Variants in SPOCK1 observed in about 807,000 individuals in gnomAD.
SPOCK1 encodes the protein testican-1.
SPOCK1 carries 23 observed loss-of-function variants against 55.3 expected under a neutral mutation model. The observed-to-expected ratio is 0.42, with a 90% CI of 0.30 to 0.59. The LOEUF (loss-of-function observed/expected upper bound fraction) is 0.59, where lower values mean the gene tolerates loss of function less well. Among genes scored for constraint, SPOCK1 ranks in the 20% least tolerant of loss-of-function variants. SPOCK1 has a pLI of 0.22. For synonymous variants in SPOCK1, 226 were observed against 221.0 expected, an observed-to-expected ratio of 1.02 and a Z score of -0.20; for missense variants, 499 against 552.5, an observed-to-expected ratio of 0.90 and a Z score of 0.97.
chr5:137,333,606 A>G (rs968383577), intron 2 of SPOCK1, among the ~76,000 whole-genome samples: 1 of 152,202 alleles, frequency 6.6e-6, no homozygotes, highest in Non-Finnish European at 1.5e-5. Context: ...CACAAGTGAG[A>G]AACTCTTATC....
intron 3 of SPOCK1, among the ~76,000 whole-genome samples, chr5:137,257,233 CTT>C (rs1251190539): frequency 6.6e-6 from 1 of 152,196 alleles, no homozygotes; most frequent in Non-Finnish European, 1.5e-5. Context: ...CTTCATATCT[CTT>C]AACAAAAGTA....
At chr5:137,184,414 C>T (rs1330890560) in intron 3 of SPOCK1, among the ~76,000 whole-genome samples, 2 of 152,222 alleles carry the variant, frequency 1.3e-5, no homozygotes, top group African/African-American at 4.8e-5. Context: ...ATTGTTGGGT[C>T]TGTCCTCGCC....
intron 2 of SPOCK1, among the ~76,000 whole-genome samples, chr5:137,343,371 CCCA>C (rs1258153312): frequency 3.3e-5 from 5 of 152,220 alleles, no homozygotes; most frequent in African/African-American, 9.7e-5. Flanking sequence ...AGCTCTTCTC[CCCA>C]CAAGGTCCAT....
intron 2 of SPOCK1, among the ~76,000 whole-genome samples, chr5:137,440,529 C>T (rs1304294609): frequency 6.6e-6 from 1 of 152,202 alleles, no homozygotes; most frequent in Non-Finnish European, 1.5e-5. Flanking sequence ...CTGCCACTTG[C>T]TGTTCACGAT....
chr5:137,438,674 G>A (rs1580927573), intron 2 of SPOCK1, among the ~76,000 whole-genome samples: 1 of 141,962 alleles, frequency 7.0e-6, no homozygotes, highest in East Asian at 2.1e-4. Context: ...ACACACAGAA[G>A]CCACCAAGCT....
intron 6 of SPOCK1, among the ~76,000 whole-genome samples, chr5:137,001,833 A>T (rs1212582999): frequency 6.6e-6 from 1 of 152,202 alleles, no homozygotes; most frequent in Non-Finnish European, 1.5e-5. Flanking sequence ...TGCCATAAGC[A>T]GTTTTGTAAT....
At position 137,435,205 on chromosome 5, in the gene SPOCK1, T is replaced by A. The variant is rs575289760; in HGVS notation, c.186+63168A>T. 2.2e-4 allele frequency among the ~76,000 whole-genome samples: 33 copies of A among 152,358 alleles called. 1 individual carries two copies. The East Asian group carries it at 6.2e-3, about 28-fold the overall frequency. ...CTTGTTCCCAATTTTTAAACTTTCA[T>A]CAATAAACTGACTTACATTCACATA... is the stretch of plus-strand genomic sequence containing the variant. On this transcript the variant is annotated intron_variant, in intron 2 of 10. Transcript: ENST00000394945.
chr5:137,476,859 A>G (rs1009312005), intron 2 of SPOCK1, among the ~76,000 whole-genome samples: 2 of 152,080 alleles, frequency 1.3e-5, no homozygotes. Flanking sequence ...TGGGAGGTGG[A>G]GGTTGCTGTG....
intron 2 of SPOCK1, among the ~76,000 whole-genome samples, chr5:137,339,545 A>G (rs868831165): frequency 3.7e-4 from 56 of 152,320 alleles, no homozygotes; most frequent in African/African-American, 1.1e-3. Flanking sequence ...TTCCAATGGC[A>G]TTTATGAGCC....
chr5:137,122,041 T>C lies in SPOCK1; in HGVS notation c.348-9480A>G, dbSNP rs185414628. Among the ~76,000 whole-genome samples, 194 of 151,744 alleles carry C rather than the reference T, an allele frequency of 1.3e-3. 1 individual carries two copies. Among genetic ancestry groups the C allele is most frequent in the African/African-American group, 4.2e-3 (172 of 41,360 alleles). ...TCCTCCATGTTTCCTGACCAGATCA[T>C]GAAGACTAATAGGATGACGTGACCA... On this transcript the variant is annotated intron_variant, in intron 4 of 10. Transcript: ENST00000394945.
At chr5:136,983,515 A>G (rs942319916) in intron 9 of SPOCK1, among the ~76,000 whole-genome samples, 4 of 152,106 alleles carry the variant, frequency 2.6e-5, no homozygotes, top group African/African-American at 9.7e-5. Context: ...GAAAAGAAGG[A>G]AAATGTAGAT....
At chr5:137,347,766 T>C (rs1021738074) in intron 2 of SPOCK1, among the ~76,000 whole-genome samples, 12 of 151,642 alleles carry the variant, frequency 7.9e-5, no homozygotes, top group African/African-American at 2.9e-4. Flanking sequence ...AAAAAACCAG[T>C]CTCTTGCTTC....
chr5:137,336,421 G>A (rs1750280951), intron 2 of SPOCK1, among the ~76,000 whole-genome samples: 2 of 152,158 alleles, frequency 1.3e-5, no homozygotes, highest in Admixed American at 1.3e-4. Flanking sequence ...TCAGGAATGG[G>A]AATTTACAGT....
At chr5:137,404,467 T>C (rs942462155) in intron 2 of SPOCK1, among the ~76,000 whole-genome samples, 2 of 148,478 alleles carry the variant, frequency 1.3e-5, no homozygotes, top group Non-Finnish European at 3.0e-5. Flanking sequence ...TGGAGTGCAA[T>C]GGCGCGATCT....
At chr5:137,497,588 C>A (rs1373694624) in intron 2 of SPOCK1, among the ~76,000 whole-genome samples, 1 of 152,176 alleles carries the variant, frequency 6.6e-6, no homozygotes, top group Admixed American at 6.5e-5. Context: ...GCCTCTTGCC[C>A]CACATCCCTG....
chr5:137,017,944 C>A (rs1751483961), intron 6 of SPOCK1, among the ~76,000 whole-genome samples: 2 of 152,220 alleles, frequency 1.3e-5, no homozygotes, highest in Admixed American at 6.5e-5. Context: ...CCAGAAAATT[C>A]TCCAAATTAC....
At chr5:137,379,372 G>A (rs530523711) in intron 2 of SPOCK1, among the ~76,000 whole-genome samples, 14 of 152,220 alleles carry the variant, frequency 9.2e-5, no homozygotes, top group South Asian at 2.1e-4. Flanking sequence ...TCAAACACGA[G>A]AGATCAAACA....
At position 137,316,713 on chromosome 5, in the gene SPOCK1, G is replaced by T. The variant is rs569000504; in HGVS notation, c.187-49658C>A. Among the ~76,000 whole-genome samples, 6 of 152,300 alleles carry T rather than the reference G, an allele frequency of 3.9e-5. No individual in the cohort carries two copies. The South Asian group carries it at 1.0e-3, about 26-fold the overall frequency. Reference sequence around the variant, plus strand: ...TTTTTCCTTGCAGTTTTCATCTCTAGCTCCTCTGCCCTCTGAATATTTCAT... The same window carrying T: ...TTTTTCCTTGCAGTTTTCATCTCTATCTCCTCTGCCCTCTGAATATTTCAT... On this transcript the variant is annotated intron_variant, in intron 2 of 10. Coordinates refer to ENST00000394945, the MANE Select transcript of SPOCK1 (RefSeq NM_004598.4).
chr5:137,106,782 TC>T (rs1176786266), intron 5 of SPOCK1, among the ~76,000 whole-genome samples: 1 of 152,120 alleles, frequency 6.6e-6, no homozygotes, highest in Non-Finnish European at 1.5e-5. Context: ...CCAATACTCT[TC>T]AGGCAAAGTC....
Sources: gnomAD v4.1 joint callset for allele counts (sites outside exome capture counted in the v4.1 genomes callset) on GRCh38, gnomAD v4.1.1 for gene constraint, MANE v1.5 for transcripts, NCBI Gene and HGNC (gene_info 2026-07-23, HGNC 2026-07-21) for gene names.